Variants in ZNF475 observed in about 807,000 individuals in gnomAD.
ZNF475 encodes the protein zinc finger protein 475.
the ZNF475 span, among the ~76,000 whole-genome samples, chr5:122,166,588 C>T: frequency 2.0e-5 from 3 of 151,832 alleles, no homozygotes; most frequent in Admixed American, 1.3e-4. Flanking sequence ...TGAGAACATG[C>T]GGTGTTTGGT....
At chr5:122,167,505 TG>T in the ZNF475 span, among the ~76,000 whole-genome samples, 4 of 152,246 alleles carry the variant, frequency 2.6e-5, no homozygotes, top group Non-Finnish European at 5.9e-5. Flanking sequence ...CCCTAGCTCC[TG>T]GCAAAAATAA....
At chr5:122,166,209 C>A in the ZNF475 span, among the ~76,000 whole-genome samples, 1 of 152,168 alleles carries the variant, frequency 6.6e-6, no homozygotes, top group Non-Finnish European at 1.5e-5. Flanking sequence ...CTTTCAGTAT[C>A]CCTAAAATCA....
At chr5:122,167,866 A>C in the ZNF475 span, among the ~76,000 whole-genome samples, 3 of 152,338 alleles carry the variant, frequency 2.0e-5, no homozygotes, top group Non-Finnish European at 4.4e-5. Flanking sequence ...TTTTATATAA[A>C]TACAATCATG....
chr5:122,171,541 G>A, the ZNF475 span, among the ~76,000 whole-genome samples: 20 of 152,110 alleles, frequency 1.3e-4, 1 homozygote, highest in Non-Finnish European at 1.5e-5. Flanking sequence ...TTCACTAAAA[G>A]TTTAGTTTTT....
the ZNF475 span, among the ~76,000 whole-genome samples, chr5:122,160,481 T>C: frequency 6.6e-6 from 1 of 152,224 alleles, no homozygotes; most frequent in African/African-American, 2.4e-5. Context: ...AATATAATTA[T>C]TTAAAAACTT....
chr5:122,169,031 G>T, the ZNF475 span, among the ~76,000 whole-genome samples: 1 of 152,286 alleles, frequency 6.6e-6, no homozygotes, highest in Middle Eastern at 3.4e-3. Flanking sequence ...GTTTTCTCAA[G>T]GTCTAACCAC....
At chr5:122,161,573 C>T in the ZNF475 span, among the ~76,000 whole-genome samples, 3 of 152,194 alleles carry the variant, frequency 2.0e-5, no homozygotes, top group Admixed American at 6.5e-5. Flanking sequence ...GCAATGTGCT[C>T]TCTAACACAT....
At chr5:122,162,629 T>G in the ZNF475 span, among the ~76,000 whole-genome samples, 1 of 152,138 alleles carries the variant, frequency 6.6e-6, no homozygotes, top group African/African-American at 2.4e-5. Flanking sequence ...TTTGGAGAAA[T>G]GAGTCTCTGG....
chr5:122,166,886 T>C, the ZNF475 span, among the ~76,000 whole-genome samples: 5 of 152,332 alleles, frequency 3.3e-5, no homozygotes, highest in Admixed American at 3.3e-4. Context: ...ATGGCATTTC[T>C]AGTTCTAGAT....
At chr5:122,161,302 C>G in the ZNF475 span, among the ~76,000 whole-genome samples, 2 of 152,210 alleles carry the variant, frequency 1.3e-5, no homozygotes, top group Non-Finnish European at 2.9e-5. Context: ...ATGGTCCCAT[C>G]TTTAAAGTCT....
At chr5:122,169,043 C>T in the ZNF475 span, among the ~76,000 whole-genome samples, 10 of 152,218 alleles carry the variant, frequency 6.6e-5, no homozygotes, top group African/African-American at 1.9e-4. Context: ...TCTAACCACT[C>T]GTGTTTCCAT....
At chr5:122,165,227 C>A in the ZNF475 span, among the ~76,000 whole-genome samples, 26 of 152,356 alleles carry the variant, frequency 1.7e-4, 1 homozygote, top group East Asian at 5.0e-3. Flanking sequence ...GCAGAGGTCT[C>A]TGGTTTATCT....
At chr5:122,182,404 C>T in the ZNF475 span, 12 of 1,031,056 alleles carry the variant, frequency 1.2e-5, no homozygotes, top group Non-Finnish European at 1.6e-5. Context: ...CGAATAAAAA[C>T]TGATCCATTT....
the ZNF475 span, among the ~76,000 whole-genome samples, chr5:122,175,683 T>C: frequency 6.6e-6 from 1 of 152,060 alleles, no homozygotes; most frequent in East Asian, 1.9e-4. Flanking sequence ...ACAAACACCT[T>C]TTCCCTTTCT....
At chr5:122,179,651 A>G in the ZNF475 span, 1 of 1,535,130 alleles carries the variant, frequency 6.5e-7, no homozygotes, top group African/African-American at 1.4e-5. Flanking sequence ...GTCTGAAAAA[A>G]TGGCATAATG....
chr5:122,162,732 G>T, the ZNF475 span, among the ~76,000 whole-genome samples: 107 of 152,270 alleles, frequency 7.0e-4, no homozygotes, highest in African/African-American at 2.5e-3. Flanking sequence ...TTGTTGGAAG[G>T]GGTCAAGATA....
At chr5:122,169,179 G>A in the ZNF475 span, among the ~76,000 whole-genome samples, 5 of 152,152 alleles carry the variant, frequency 3.3e-5, no homozygotes, top group South Asian at 2.1e-4. Flanking sequence ...TGAAAGGGTC[G>A]TGTTGTTTAG....
chr5:122,161,441 C>T, the ZNF475 span, among the ~76,000 whole-genome samples: 7 of 151,946 alleles, frequency 4.6e-5, no homozygotes, highest in East Asian at 3.9e-4. Flanking sequence ...AAGGAGAGAG[C>T]GGGGTCAACT....
At chr5:122,160,454 T>C in the ZNF475 span, among the ~76,000 whole-genome samples, 344 of 152,356 alleles carry the variant, frequency 2.3e-3, 2 homozygotes, top group African/African-American at 7.3e-3. Flanking sequence ...AATACTCACC[T>C]GTACAAATCA....
Sources: allele counts gnomAD v4.1 joint callset (sites outside exome capture counted in the v4.1 genomes callset), GRCh38; gene constraint gnomAD v4.1.1; transcripts MANE v1.5; gene names NCBI Gene and HGNC (gene_info 2026-07-23, HGNC 2026-07-21).